CNTNAP5: variants seen among roughly 807,000 people sequenced by gnomAD.
CNTNAP5 encodes the protein contactin-associated protein-like 5.
A neutral mutation model predicts 150.2 loss-of-function variants in CNTNAP5; 72 were observed. The ratio of observed to expected loss-of-function variants is 0.48; its 90% CI spans 0.40 to 0.58. The LOEUF is 0.58. Among genes scored for constraint, CNTNAP5 ranks in the 20% least tolerant of loss-of-function variants. The pLI, the probability that CNTNAP5 is intolerant of heterozygous loss-of-function variation, is 0.00. For synonymous variants in CNTNAP5, 672 were observed against 619.8 expected (o/e 1.08, Z -1.25); for missense variants, 1,636 against 1,626.2 (o/e 1.01, Z -0.10).
chr2:124,788,798 A>G (rs753449163), intron 17 of CNTNAP5, among the ~76,000 whole-genome samples: 3 of 151,704 alleles, frequency 2.0e-5, no homozygotes, highest in Admixed American at 1.3e-4. Flanking sequence ...ATACCTGACT[A>G]ATTTTTGTAT....
intron 1 of CNTNAP5, among the ~76,000 whole-genome samples, chr2:124,082,849 G>A (rs1682591419): frequency 6.6e-6 from 1 of 152,274 alleles, no homozygotes; most frequent in East Asian, 1.9e-4. Flanking sequence ...TAGCTCTATA[G>A]TTACATCTCA....
At chr2:124,320,806 T>A (rs1689080507) in intron 3 of CNTNAP5, among the ~76,000 whole-genome samples, 1 of 152,206 alleles carries the variant, frequency 6.6e-6, no homozygotes, top group Non-Finnish European at 1.5e-5. Flanking sequence ...TGTGTGTGTG[T>A]GTGTGACCCC....
At position 124,624,651 on chromosome 2, in the gene CNTNAP5, C is replaced by T. The variant is rs895503054; in HGVS notation, c.1876+14731C>T. On this transcript the variant is annotated intron_variant, in intron 12 of 23. Transcript: ENST00000682447. ...CAAAATAAATAAATCTGTTCTTGTCCTCAAGGAATTCACAGTTTGGAGAAG... is the reference window on the plus strand; with the variant it reads ...CAAAATAAATAAATCTGTTCTTGTCTTCAAGGAATTCACAGTTTGGAGAAG... Among the ~76,000 whole-genome samples, 9 of 152,180 alleles carry T rather than the reference C, an allele frequency of 5.9e-5. No individual in the cohort carries two copies. The East Asian group carries it at 1.7e-3, about 29-fold the overall frequency.
chr2:124,660,185 G>T (rs369386311), intron 13 of CNTNAP5, among the ~76,000 whole-genome samples: 4 of 152,254 alleles, frequency 2.6e-5, no homozygotes, highest in African/African-American at 9.6e-5. Flanking sequence ...GAAGACATTT[G>T]AACTGGAGAA....
intron 19 of CNTNAP5, 52 bp downstream of exon 19, chr2:124,798,372 C>A: frequency 3.2e-6 from 4 of 1,267,948 alleles, no homozygotes; most frequent in Non-Finnish European, 4.6e-6. Context: ...GCTGGAGGGA[C>A]GGTGCATGCC....
chr2:124,911,964 T>A (rs1678665326), intron 23 of CNTNAP5, among the ~76,000 whole-genome samples: 2 of 152,002 alleles, frequency 1.3e-5, no homozygotes, highest in Non-Finnish European at 2.9e-5. Flanking sequence ...GTGATTTGGG[T>A]TAGGTCTAAT....
chr2:124,350,586 G>A (rs977799498), intron 3 of CNTNAP5, among the ~76,000 whole-genome samples: 35 of 151,018 alleles, frequency 2.3e-4, no homozygotes, highest in Admixed American at 1.7e-3. Flanking sequence ...ATCTACCCCC[G>A]CAAAAGCTTC....
In CNTNAP5 at chr2:124,457,167, T is replaced by C. The variant is rs557728306; in HGVS notation, c.918+10230T>C. ...GAGAAAATGTTCACAATCTATACAA[T>C]CTTTGTCACATCCAATGACTATACA... On this transcript the variant is annotated intron_variant, in intron 6 of 23. Transcript: ENST00000682447. Among the ~76,000 whole-genome samples the C allele has an allele frequency of 1.5e-3, 224 of 152,218 alleles. 2 individuals are homozygous for C. The highest frequency in any genetic ancestry group is 5.0e-3 in the African/African-American group (209 of 41,544).
chr2:124,729,977 G>T (rs1164070726), intron 13 of CNTNAP5, among the ~76,000 whole-genome samples: 1 of 152,070 alleles, frequency 6.6e-6, no homozygotes, highest in Admixed American at 6.6e-5. Flanking sequence ...ATCCTAGAAG[G>T]CAGCCTCTGT....
intron 19 of CNTNAP5, among the ~76,000 whole-genome samples, chr2:124,854,363 T>G (rs1481505467): frequency 6.6e-6 from 1 of 152,242 alleles, no homozygotes; most frequent in Non-Finnish European, 1.5e-5. Flanking sequence ...ATGAATATTC[T>G]CATTACAGTT....
intron 1 of CNTNAP5, among the ~76,000 whole-genome samples, chr2:124,192,388 A>G (rs755437718): frequency 1.3e-5 from 2 of 152,186 alleles, no homozygotes; most frequent in Non-Finnish European, 2.9e-5. Flanking sequence ...TGCCCGATCA[A>G]GTACTGCCCA....
At chr2:124,856,914 A>G (rs565665638) in intron 19 of CNTNAP5, among the ~76,000 whole-genome samples, 1 of 152,288 alleles carries the variant, frequency 6.6e-6, no homozygotes, top group South Asian at 2.1e-4. Context: ...ACCTCTGGAT[A>G]CTTAGAGCAT....
At chr2:124,606,860 A>G (rs938269216) in intron 11 of CNTNAP5, among the ~76,000 whole-genome samples, 9 of 152,140 alleles carry the variant, frequency 5.9e-5, no homozygotes, top group African/African-American at 1.9e-4. Flanking sequence ...CCCACAACAC[A>G]TGGGAATTGT....
intron 3 of CNTNAP5, among the ~76,000 whole-genome samples, chr2:124,336,408 T>TAC (rs1281522953): frequency 6.6e-6 from 1 of 152,062 alleles, no homozygotes; most frequent in East Asian, 1.9e-4. Context: ...AGTTTTAGGG[T>TAC]ACATGTGCAT....
At chr2:124,769,991 T>C (rs1356403225) in intron 16 of CNTNAP5, among the ~76,000 whole-genome samples, 1 of 152,178 alleles carries the variant, frequency 6.6e-6, no homozygotes, top group Non-Finnish European at 1.5e-5. Context: ...TTTTATTGAA[T>C]TTTACTGATT....
At chr2:124,665,282 T>G (rs1218119153) in intron 13 of CNTNAP5, among the ~76,000 whole-genome samples, 1 of 152,214 alleles carries the variant, frequency 6.6e-6, no homozygotes, top group African/African-American at 2.4e-5. Flanking sequence ...CTATGAACTA[T>G]TTTTAAATTT....
intron 2 of CNTNAP5, among the ~76,000 whole-genome samples, chr2:124,228,299 T>C (rs539180393): frequency 6.6e-6 from 1 of 152,226 alleles, no homozygotes; most frequent in African/African-American, 2.4e-5. Flanking sequence ...CCTCAATGGA[T>C]TGGATGGTGC....
intron 12 of CNTNAP5, among the ~76,000 whole-genome samples, chr2:124,642,945 C>A (rs1237972010): frequency 6.6e-6 from 1 of 152,192 alleles, no homozygotes; most frequent in Non-Finnish European, 1.5e-5. Context: ...CCTTTGGAAG[C>A]CATGGGGCAC....
intron 3 of CNTNAP5, among the ~76,000 whole-genome samples, chr2:124,362,379 G>A (rs886625910): frequency 1.3e-5 from 2 of 152,310 alleles, no homozygotes; most frequent in East Asian, 1.9e-4. Flanking sequence ...AGTCCTGAAA[G>A]CGATAAAGAG....
Sources: gnomAD v4.1 joint callset for allele counts (sites outside exome capture counted in the v4.1 genomes callset) on GRCh38, gnomAD v4.1.1 for gene constraint, MANE v1.5 for transcripts, NCBI Gene and HGNC (gene_info 2026-07-23, HGNC 2026-07-21) for gene names.